Variants in MYO3B observed in about 807,000 individuals in gnomAD.
The protein encoded by MYO3B is myosin IIIB.
A neutral mutation model predicts 174.6 loss-of-function variants in MYO3B; 156 were observed. That is an observed-to-expected ratio of 0.89 (90% confidence interval 0.78 to 1.02). MYO3B has a LOEUF of 1.02. MYO3B is among the 50% of genes least tolerant of loss of function. The probability of loss-of-function intolerance (pLI) is 0.00; values close to 1 mark genes in which losing one functional copy is unlikely to be tolerated. For synonymous variants in MYO3B, 563 were observed against 569.1 expected, an observed-to-expected ratio of 0.99 and a Z score of 0.15; for missense variants, 1,632 against 1,639.4, an observed-to-expected ratio of 1.00 and a Z score of 0.08.
At chr2:170,571,914 TG>T (rs1692461658) in intron 32 of MYO3B, among the ~76,000 whole-genome samples, 1 of 152,164 alleles carries the variant, frequency 6.6e-6, no homozygotes, top group African/African-American at 2.4e-5. Flanking sequence ...AACATGATGA[TG>T]AAATGATGCT....
intron 6 of MYO3B, among the ~76,000 whole-genome samples, chr2:170,223,807 A>G (rs1196374937): frequency 2.0e-5 from 3 of 152,200 alleles, no homozygotes; most frequent in African/African-American, 4.8e-5. Flanking sequence ...GAAAGAACCA[A>G]TGTTGTCATT....
chr2:170,260,777 C>T (rs1287986494), intron 7 of MYO3B, among the ~76,000 whole-genome samples: 2 of 152,068 alleles, frequency 1.3e-5, no homozygotes, highest in Non-Finnish European at 2.9e-5. Context: ...GGATAAAAAC[C>T]AAATTGGAAT....
intron 28 of MYO3B, among the ~76,000 whole-genome samples, chr2:170,506,489 T>C (rs1687629731): frequency 1.3e-5 from 2 of 152,252 alleles, no homozygotes; most frequent in Non-Finnish European, 2.9e-5. Flanking sequence ...TTCATTCACT[T>C]ACTTAACTAC....
chr2:170,599,934 TTATC>T (rs1450237772), intron 32 of MYO3B, among the ~76,000 whole-genome samples: 5 of 152,188 alleles, frequency 3.3e-5, no homozygotes, highest in South Asian at 2.1e-4. Flanking sequence ...ATGTTTATCT[TTATC>T]TAGGATTTAT....
chr2:170,183,774 T>C (rs2092431829), intron 1 of MYO3B, among the ~76,000 whole-genome samples: 1 of 152,176 alleles, frequency 6.6e-6, no homozygotes, highest in African/African-American at 2.4e-5. Flanking sequence ...TTAGCAATGG[T>C]TGTAGAAATC....
At chr2:170,287,948 T>C (rs776112895) in intron 7 of MYO3B, among the ~76,000 whole-genome samples, 4 of 152,090 alleles carry the variant, frequency 2.6e-5, no homozygotes, top group Non-Finnish European at 4.4e-5. Context: ...CATATAGTTA[T>C]CCTGTTTTCC....
chr2:170,345,759 A>T (rs572168237), intron 8 of MYO3B, among the ~76,000 whole-genome samples: 44 of 150,714 alleles, frequency 2.9e-4, no homozygotes, highest in African/African-American at 1.0e-3. Context: ...AGTTAAGATG[A>T]GGTCATACTG....
At chr2:170,576,312 C>T (rs546078852) in intron 32 of MYO3B, among the ~76,000 whole-genome samples, 5 of 152,300 alleles carry the variant, frequency 3.3e-5, no homozygotes, top group African/African-American at 7.2e-5. Context: ...TGATGCTGGT[C>T]TCTGAAGGGA....
intron 32 of MYO3B, among the ~76,000 whole-genome samples, chr2:170,595,651 C>A: frequency 6.6e-6 from 1 of 152,062 alleles, no homozygotes; most frequent in East Asian, 1.9e-4. Context: ...GTTGCCCAGG[C>A]TAGTCTTGAA....
At chr2:170,635,233 C>G (rs1307856591) in intron 32 of MYO3B, among the ~76,000 whole-genome samples, 7 of 152,118 alleles carry the variant, frequency 4.6e-5, no homozygotes, top group Non-Finnish European at 8.8e-5. Flanking sequence ...CAATGATAGA[C>G]TGGATTAAGA....
chr2:170,636,520 A>C (rs980315947), intron 32 of MYO3B, among the ~76,000 whole-genome samples: 2 of 151,634 alleles, frequency 1.3e-5, no homozygotes, highest in Non-Finnish European at 2.9e-5. Flanking sequence ...TTGATTGCTA[A>C]TGACCCCTGG....
At chr2:170,416,643 T>C (rs1300481398) in intron 22 of MYO3B, among the ~76,000 whole-genome samples, 1 of 142,314 alleles carries the variant, frequency 7.0e-6, no homozygotes, top group Non-Finnish European at 1.5e-5. Flanking sequence ...TTTTTTTTTG[T>C]ACACACAAAA....
intron 7 of MYO3B, among the ~76,000 whole-genome samples, chr2:170,301,054 C>A (rs1401526896): frequency 3.3e-5 from 5 of 152,158 alleles, no homozygotes; most frequent in Admixed American, 3.3e-4. Flanking sequence ...GAAGGCATCC[C>A]AGCCCAGGAT....
chr2:170,414,230 C>T (rs2094563981), intron 22 of MYO3B, among the ~76,000 whole-genome samples: 1 of 151,978 alleles, frequency 6.6e-6, no homozygotes, highest in Admixed American at 6.6e-5. Context: ...TCTTGTCACC[C>T]AGGCTGGAGT....
At chr2:170,248,873 G>A (rs1057328681) in intron 7 of MYO3B, among the ~76,000 whole-genome samples, 6 of 152,144 alleles carry the variant, frequency 3.9e-5, no homozygotes, top group South Asian at 2.1e-4. Context: ...ATTAGGACAC[G>A]GACATCTTTA....
At chr2:170,462,865 C>T (rs1241928698) in intron 23 of MYO3B, among the ~76,000 whole-genome samples, 1 of 152,130 alleles carries the variant, frequency 6.6e-6, no homozygotes, top group African/African-American at 2.4e-5. Context: ...GCCTGAGCTC[C>T]TATCTGCAAT....
chr2:170,368,888 T>A (rs887426992), intron 8 of MYO3B, among the ~76,000 whole-genome samples: 3 of 152,228 alleles, frequency 2.0e-5, no homozygotes, highest in Non-Finnish European at 4.4e-5. Flanking sequence ...TTGACTCCAC[T>A]GAAAATATTT....
intron 7 of MYO3B, among the ~76,000 whole-genome samples, chr2:170,329,950 G>A (rs190319199): frequency 9.2e-5 from 14 of 152,152 alleles, no homozygotes; most frequent in African/African-American, 3.1e-4. Flanking sequence ...ACACTCAAAT[G>A]TCTTGCTTTC....
At chr2:170,321,172 G>A (rs1244138466) in intron 7 of MYO3B, among the ~76,000 whole-genome samples, 1 of 152,052 alleles carries the variant, frequency 6.6e-6, no homozygotes, top group Non-Finnish European at 1.5e-5. Flanking sequence ...AGGGATTAGA[G>A]GCAAATTCAT....
Sources: gnomAD v4.1 joint callset for allele counts (sites outside exome capture counted in the v4.1 genomes callset) on GRCh38, gnomAD v4.1.1 for gene constraint, MANE v1.5 for transcripts, NCBI Gene and HGNC (gene_info 2026-07-23, HGNC 2026-07-21) for gene names.